Variants in MSRA observed in about 807,000 individuals in gnomAD.
The protein encoded by MSRA is mitochondrial peptide methionine sulfoxide reductase.
Under a neutral mutation model 31.3 loss-of-function variants are expected in MSRA, and 54 were observed. That is an observed-to-expected ratio of 1.73 (90% CI 1.39 to 2.17). MSRA has a LOEUF of 2.17. Among genes scored for constraint, MSRA ranks in the 30% most tolerant of loss-of-function variants. The pLI is 0.00. For missense variants in MSRA, 507 were observed against 300.9 expected (o/e 1.69, Z -5.07); for synonymous variants, 169 against 116.5 (o/e 1.45, Z -2.90).
chr8:10,269,031 C>G (rs1168263858), intron 3 of MSRA, among the ~76,000 whole-genome samples: 2 of 152,226 alleles, frequency 1.3e-5, no homozygotes, highest in Non-Finnish European at 2.9e-5. Context: ...CGCTGTGTTT[C>G]CTTGCACAGT....
rs529062255 is a variant in MSRA at position 10,064,528 on chromosome 8, AC to A, written c.142+9871del. Reference sequence around the variant, plus strand: ...TACAGCGAAGGCTAGTAATAATGAAACAGGAAGAAATGTGGTGACAGTATAT... The same window carrying A: ...TACAGCGAAGGCTAGTAATAATGAAAAGGAAGAAATGTGGTGACAGTATAT... On this transcript the variant is annotated intron_variant, in intron 1 of 5. Coordinates refer to ENST00000317173, the MANE Select transcript of MSRA (RefSeq NM_012331.5). Among the ~76,000 whole-genome samples the A allele has an allele frequency of 9.2e-5, 14 of 152,344 alleles. No individual in the cohort carries two copies. In the South Asian group the frequency reaches 2.7e-3, roughly 29 times the overall value.
chr8:10,094,541 A>T (rs1331202773), intron 1 of MSRA, among the ~76,000 whole-genome samples: 1 of 152,352 alleles, frequency 6.6e-6, no homozygotes, highest in Admixed American at 6.5e-5. Context: ...CAAACTGAGG[A>T]GATTAGATAG....
chr8:10,173,574 G>T (rs1435473166), intron 1 of MSRA, among the ~76,000 whole-genome samples: 1 of 152,138 alleles, frequency 6.6e-6, no homozygotes, highest in African/African-American at 2.4e-5. Context: ...TGTTCTCCAG[G>T]CATCTCCCTG....
chr8:10,380,315 C>G (rs1170352784), intron 5 of MSRA, among the ~76,000 whole-genome samples: 1 of 152,204 alleles, frequency 6.6e-6, no homozygotes, highest in Non-Finnish European at 1.5e-5. Context: ...CTAGGACAAG[C>G]TCTGCTATGT....
At chr8:10,083,418 C>T (rs527831539) in intron 1 of MSRA, among the ~76,000 whole-genome samples, 17 of 152,234 alleles carry the variant, frequency 1.1e-4, no homozygotes, top group African/African-American at 4.1e-4. Flanking sequence ...GAAATTTAAT[C>T]CATCTGATTT....
At chr8:10,211,318 C>T (rs565836416) in intron 2 of MSRA, among the ~76,000 whole-genome samples, 1 of 152,274 alleles carries the variant, frequency 6.6e-6, no homozygotes, top group Admixed American at 6.5e-5. Context: ...TCTTATGTAG[C>T]CCAACAGTTA....
intron 1 of MSRA, among the ~76,000 whole-genome samples, chr8:10,205,661 C>T (rs995770469): frequency 6.6e-6 from 1 of 151,760 alleles, no homozygotes; most frequent in Admixed American, 6.6e-5. Flanking sequence ...ACATTTTCAC[C>T]CTAGACAAAA....
chr8:10,268,671 T>C (rs1216208060), intron 3 of MSRA, among the ~76,000 whole-genome samples: 3 of 152,206 alleles, frequency 2.0e-5, no homozygotes, highest in Admixed American at 1.3e-4. Flanking sequence ...CTTCAGAAAT[T>C]TTCTGAAGAG....
chr8:10,283,379 G>T (rs1436867130), intron 3 of MSRA, among the ~76,000 whole-genome samples: 1 of 152,006 alleles, frequency 6.6e-6, no homozygotes. Context: ...AAGCTGCTTC[G>T]TGTTGTCCAG....
chr8:10,382,926 T>C (rs1806163179), intron 5 of MSRA, among the ~76,000 whole-genome samples: 1 of 152,250 alleles, frequency 6.6e-6, no homozygotes, highest in South Asian at 2.1e-4. Context: ...TTCATCTTCC[T>C]GAATGTGGTT....
chr8:10,374,628 TC>T (rs1376448497), intron 5 of MSRA, among the ~76,000 whole-genome samples: 2 of 152,192 alleles, frequency 1.3e-5, no homozygotes, highest in African/African-American at 4.8e-5. Context: ...GTGGTCCAGG[TC>T]TTTGCTATGA....
At chr8:10,136,531 C>T (rs1376407702) in intron 1 of MSRA, among the ~76,000 whole-genome samples, 2 of 152,226 alleles carry the variant, frequency 1.3e-5, no homozygotes, top group African/African-American at 2.4e-5. Context: ...TTGACAGGAG[C>T]TATGGACTTG....
At chr8:10,219,260 A>T (rs896295425) in intron 2 of MSRA, among the ~76,000 whole-genome samples, 3 of 152,160 alleles carry the variant, frequency 2.0e-5, no homozygotes, top group African/African-American at 4.8e-5. Context: ...AATATCGTGA[A>T]TGAGTTTGAG....
intron 5 of MSRA, among the ~76,000 whole-genome samples, chr8:10,423,187 C>G (rs1250774300): frequency 2.0e-5 from 3 of 152,164 alleles, no homozygotes; most frequent in African/African-American, 7.2e-5. Context: ...TACCTGGGTC[C>G]CCACCCTCTT....
chr8:10,089,667 G>T (rs567087356), intron 1 of MSRA, among the ~76,000 whole-genome samples: 1 of 152,318 alleles, frequency 6.6e-6, no homozygotes, highest in East Asian at 1.9e-4. Flanking sequence ...TCTGCAGGCT[G>T]TATAAGAAAT....
chr8:10,158,898 G>A (rs1226983058), intron 1 of MSRA, among the ~76,000 whole-genome samples: 1 of 152,132 alleles, frequency 6.6e-6, no homozygotes, highest in Non-Finnish European at 1.5e-5. Flanking sequence ...GCTGTTGTCT[G>A]TGTTTTTGAT....
chr8:10,187,507 C>G (rs1393139765), intron 1 of MSRA, among the ~76,000 whole-genome samples: 1 of 152,142 alleles, frequency 6.6e-6, no homozygotes, highest in Non-Finnish European at 1.5e-5. Context: ...CTTACACAAC[C>G]ACCCTTTCAA....
chr8:10,062,507 T>C (rs567716658), intron 1 of MSRA, among the ~76,000 whole-genome samples: 1 of 152,344 alleles, frequency 6.6e-6, no homozygotes, highest in African/African-American at 2.4e-5. Context: ...AGTAAGCTGA[T>C]GATAAATACT....
chr8:10,403,442 A>G (rs1245557107), intron 5 of MSRA, among the ~76,000 whole-genome samples: 2 of 152,212 alleles, frequency 1.3e-5, no homozygotes, highest in South Asian at 4.1e-4. Context: ...GGCCACAGGA[A>G]GGGAGAGGTT....
Sources: gnomAD v4.1 joint callset for allele counts (sites outside exome capture counted in the v4.1 genomes callset) on GRCh38, gnomAD v4.1.1 for gene constraint, MANE v1.5 for transcripts, NCBI Gene and HGNC (gene_info 2026-07-23, HGNC 2026-07-21) for gene names.